Variants in FCHSD2 observed in about 807,000 individuals in gnomAD.
The protein encoded by FCHSD2 is FCH and double SH3 domains 2.
A neutral mutation model predicts 108.1 loss-of-function variants in FCHSD2; 38 were observed. That is an observed-to-expected ratio of 0.35 (90% CI 0.27 to 0.46). FCHSD2 has a LOEUF of 0.46. FCHSD2 is among the 20% of genes least tolerant of loss of function. The probability of loss-of-function intolerance (pLI) is 1.00; values close to 1 mark genes in which losing one functional copy is unlikely to be tolerated. For missense variants in FCHSD2, 751 were observed against 897.8 expected, an observed-to-expected ratio of 0.84 and a Z score of 2.09; for synonymous variants, 279 against 314.7, an observed-to-expected ratio of 0.89 and a Z score of 1.20.
intron 2 of FCHSD2, among the ~76,000 whole-genome samples, chr11:73,113,558 G>A (rs1014451994): frequency 2.0e-5 from 3 of 151,794 alleles, no homozygotes; most frequent in East Asian, 1.9e-4. Flanking sequence ...TAGTAGAAAC[G>A]GGGTTTCGCC....
chr11:72,930,408 A>G (rs1856165233), intron 8 of FCHSD2, among the ~76,000 whole-genome samples: 2 of 152,188 alleles, frequency 1.3e-5, no homozygotes, highest in South Asian at 4.1e-4. Flanking sequence ...TTGTTTTCCA[A>G]ATAAAACATT....
intron 6 of FCHSD2, among the ~76,000 whole-genome samples, chr11:72,986,592 C>G (rs897424408): frequency 2.0e-5 from 3 of 152,154 alleles, no homozygotes; most frequent in African/African-American, 7.2e-5. Context: ...TCTAAGAAAG[C>G]CTTTTCAGAA....
At chr11:73,036,829 A>T (rs1858509838) in intron 3 of FCHSD2, among the ~76,000 whole-genome samples, 1 of 152,220 alleles carries the variant, frequency 6.6e-6, no homozygotes, top group Admixed American at 6.5e-5. Flanking sequence ...TTTATTGATA[A>T]AATTTTAAAA....
At chr11:73,050,955 G>A (rs1014829257) in intron 3 of FCHSD2, among the ~76,000 whole-genome samples, 3 of 152,198 alleles carry the variant, frequency 2.0e-5, no homozygotes, top group African/African-American at 7.2e-5. Context: ...TACAGAAATT[G>A]AGAGTAAGCA....
chr11:73,090,219 C>CTTTTTTTTTTTT (rs59603567), intron 2 of FCHSD2, among the ~76,000 whole-genome samples: 1 of 77,022 alleles, frequency 1.3e-5, no homozygotes, highest in African/African-American at 5.5e-5. Flanking sequence ...TACAATACTT[C>CTTTTTTTTTTTT]TTTTTTTTTT....
Position 72,967,340 on chromosome 11 carries a change from A to C in FCHSD2, c.705+16748T>G, listed in dbSNP as rs1231934223. Among the ~76,000 whole-genome samples the C allele has an allele frequency of 2.0e-5, 3 of 152,202 alleles. No individual in the cohort carries two copies. The East Asian group carries it at 5.8e-4, about 29-fold the overall frequency. On this transcript the variant is annotated intron_variant, in intron 8 of 19. Coordinates refer to ENST00000409418, the MANE Select transcript of FCHSD2 (RefSeq NM_014824.3). Reference sequence around the variant, plus strand: ...ATAGAGATAGGCTGGTAACAGCCGAAAAGTGGAAACAACCCAAATGCCCAT... The same window carrying C: ...ATAGAGATAGGCTGGTAACAGCCGACAAGTGGAAACAACCCAAATGCCCAT...
intron 13 of FCHSD2, among the ~76,000 whole-genome samples, chr11:72,863,615 T>C (rs1316825720): frequency 6.6e-6 from 1 of 152,196 alleles, no homozygotes; most frequent in Non-Finnish European, 1.5e-5. Flanking sequence ...AAAGGATTTG[T>C]ATTCAGAGTA....
At chr11:72,950,097 GTGATTT>G (rs1856594299) in intron 8 of FCHSD2, among the ~76,000 whole-genome samples, 1 of 152,054 alleles carries the variant, frequency 6.6e-6, no homozygotes, top group Admixed American at 6.5e-5. Flanking sequence ...GTATTTCATT[GTGATTT>G]TGATTTGCAT....
chr11:73,109,197 G>A (rs537679341), intron 2 of FCHSD2, among the ~76,000 whole-genome samples: 99 of 152,242 alleles, frequency 6.5e-4, no homozygotes, highest in African/African-American at 2.2e-3. Context: ...GCTTTGGCTA[G>A]CTATTCTGGG....
At chr11:72,886,766 T>C (rs1448517309) in intron 12 of FCHSD2, among the ~76,000 whole-genome samples, 1 of 152,210 alleles carries the variant, frequency 6.6e-6, no homozygotes, top group Non-Finnish European at 1.5e-5. Flanking sequence ...TTATACTCTG[T>C]GTCTTCCTCC....
At chr11:73,104,526 G>C (rs1487037727) in intron 2 of FCHSD2, among the ~76,000 whole-genome samples, 2 of 151,870 alleles carry the variant, frequency 1.3e-5, no homozygotes, top group Non-Finnish European at 2.9e-5. Flanking sequence ...CTCCCAAAGT[G>C]TTGGGATTAC....
At chr11:73,012,422 GA>G (rs2135429608) in intron 4 of FCHSD2, among the ~76,000 whole-genome samples, 1 of 152,310 alleles carries the variant, frequency 6.6e-6, no homozygotes, top group Admixed American at 6.5e-5. Flanking sequence ...AATGTGAATG[GA>G]AGATGCTTGG....
chr11:73,058,201 T>C lies in FCHSD2; in HGVS notation c.165+25494A>G, dbSNP rs114500143. Among the ~76,000 whole-genome samples the C allele has an allele frequency of 8.9e-3, 1,350 of 152,224 alleles. 26 individuals are homozygous for C. Among genetic ancestry groups the C allele is most frequent in the African/African-American group, 0.031 (1,286 of 41,522 alleles). ...GCCAATTCTGTATTCTTTAAAGGTA[T>C]TGGACCATTATTGTTTTATGTCATA... On this transcript the variant is annotated intron_variant, in intron 3 of 19. Transcript: ENST00000409418.
chr11:73,025,055 G>C (rs1591491176), intron 3 of FCHSD2, among the ~76,000 whole-genome samples: 1 of 152,172 alleles, frequency 6.6e-6, no homozygotes, highest in South Asian at 2.1e-4. Context: ...GTGTAAATTA[G>C]CTCAGGCATT....
At chr11:72,952,929 A>C (rs1216358938) in intron 8 of FCHSD2, among the ~76,000 whole-genome samples, 1 of 152,184 alleles carries the variant, frequency 6.6e-6, no homozygotes, top group African/African-American at 2.4e-5. Context: ...CCTCAAGGTC[A>C]GCAGTTCACC....
chr11:72,865,312 A>G (rs1456472971), intron 13 of FCHSD2, among the ~76,000 whole-genome samples: 1 of 152,222 alleles, frequency 6.6e-6, no homozygotes, highest in African/African-American at 2.4e-5. Context: ...GATTAAATAA[A>G]TATAGGTCCT....
intron 8 of FCHSD2, among the ~76,000 whole-genome samples, chr11:72,922,434 G>C (rs1855992935): frequency 1.3e-5 from 2 of 152,088 alleles, no homozygotes; most frequent in Non-Finnish European, 2.9e-5. Context: ...AAAAAGAAAA[G>C]TGACTCAGAG....
In FCHSD2 at chr11:73,062,984, C is replaced by T. The variant is rs771269595; in HGVS notation, c.165+20711G>A. ...GAAGAGCAACCCTAAGACACATAAT[C>T]GTCAGATTCACCAAGGCTGAAATGA... is the stretch of plus-strand genomic sequence containing the variant. On this transcript the variant is annotated intron_variant, in intron 3 of 19. Coordinates refer to ENST00000409418, the MANE Select transcript of FCHSD2 (RefSeq NM_014824.3). 4.7e-4 allele frequency among the ~76,000 whole-genome samples: 71 copies of T among 152,028 alleles called. 1 individual carries two copies. The highest frequency in any genetic ancestry group is 4.4e-3 in the Admixed American group (67 of 15,256).
chr11:73,116,952 A>C (rs199623642), intron 2 of FCHSD2, among the ~76,000 whole-genome samples: 2 of 7,112 alleles, frequency 2.8e-4, no homozygotes, highest in African/African-American at 1.5e-3. Flanking sequence ...ATTTTTCCCC[A>C]AAAAAAATCA....
Sources: gnomAD v4.1 joint callset for allele counts (sites outside exome capture counted in the v4.1 genomes callset) on GRCh38, gnomAD v4.1.1 for gene constraint, MANE v1.5 for transcripts, NCBI Gene and HGNC (gene_info 2026-07-23, HGNC 2026-07-21) for gene names.